Variants in ATRNL1 observed in about 807,000 individuals in gnomAD.
ATRNL1 encodes the protein attractin-like protein 1.
In ATRNL1, 95 loss-of-function variants were observed where a neutral mutation model predicts 182.7. That is an observed-to-expected ratio of 0.52 (90% CI 0.44 to 0.62). The LOEUF (loss-of-function observed/expected upper bound fraction) is 0.62. Among genes scored for constraint, ATRNL1 ranks in the 20% least tolerant of loss-of-function variants. The pLI, the probability that ATRNL1 is intolerant of heterozygous loss-of-function variation, is 0.00. For synonymous variants in ATRNL1, 576 were observed against 568.3 expected, an observed-to-expected ratio of 1.01 and a Z score of -0.19; for missense variants, 1,471 against 1,679.5, an observed-to-expected ratio of 0.88 and a Z score of 2.17.
chr10:115,944,599 C>T (rs2134633102), intron 28 of ATRNL1, 59 bp from the exon 29 acceptor site: 1 of 1,488,032 alleles, frequency 6.7e-7, no homozygotes, highest in South Asian at 1.4e-5. Flanking sequence ...TTCACCACCA[C>T]TGTTGCCATC....
chr10:115,851,943 G>A (rs1348896964), intron 28 of ATRNL1, among the ~76,000 whole-genome samples: 3 of 152,154 alleles, frequency 2.0e-5, no homozygotes, highest in East Asian at 1.9e-4. Flanking sequence ...CAGTCACCCC[G>A]GACAGCATGG....
At chr10:115,843,328 G>A (rs1323948118) in intron 27 of ATRNL1, among the ~76,000 whole-genome samples, 1 of 151,990 alleles carries the variant, frequency 6.6e-6, no homozygotes, top group Non-Finnish European at 1.5e-5. Context: ...ATAAGAAACC[G>A]GACCTGTTCT....
intron 18 of ATRNL1, among the ~76,000 whole-genome samples, chr10:115,318,885 A>G (rs1284871687): frequency 1.3e-5 from 2 of 151,730 alleles, no homozygotes; most frequent in Non-Finnish European, 2.9e-5. Context: ...TCATGTCTCT[A>G]TCTCTTTTAG....
At chr10:115,153,326 G>A (rs919287627) in intron 5 of ATRNL1, among the ~76,000 whole-genome samples, 3 of 152,086 alleles carry the variant, frequency 2.0e-5, no homozygotes, top group African/African-American at 4.8e-5. Flanking sequence ...GGTAGAATTC[G>A]GCTGTGAATG....
chr10:115,301,772 G>GAA, intron 16 of ATRNL1, 83 bp from the exon 17 acceptor site: 1 of 1,241,750 alleles, frequency 8.1e-7, no homozygotes, highest in Non-Finnish European at 1.1e-6. Flanking sequence ...AACATGCCCT[G>GAA]AACAGCAAAG....
At chr10:115,830,444 C>T (rs905397828) in intron 27 of ATRNL1, among the ~76,000 whole-genome samples, 1 of 152,078 alleles carries the variant, frequency 6.6e-6, no homozygotes, top group African/African-American at 2.4e-5. Context: ...GCTCAATAAA[C>T]ATTTATTGAA....
chr10:115,170,618 A>G (rs1282243529), intron 7 of ATRNL1, among the ~76,000 whole-genome samples: 2 of 151,710 alleles, frequency 1.3e-5, no homozygotes, highest in African/African-American at 4.9e-5. Flanking sequence ...TCAGCAACTT[A>G]GTTTGTTATC....
In ATRNL1 at chr10:115,452,742, A is replaced by G. The variant is rs544669437; in HGVS notation, c.3323-9199A>G. On this transcript the variant is annotated intron_variant, in intron 21 of 28. Coordinates refer to ENST00000355044, the MANE Select transcript of ATRNL1 (RefSeq NM_207303.4). ...TGTTAGCAAATTTTAAAAATATACA[A>G]TACAGTATTGTTAACTATAAGTACT... 6.6e-5 allele frequency among the ~76,000 whole-genome samples: 10 copies of G among 152,290 alleles called. No individual in the cohort carries two copies. In the South Asian group the frequency reaches 2.1e-3, roughly 32 times the overall value.
chr10:115,534,280 G>T (rs374396374), intron 25 of ATRNL1, among the ~76,000 whole-genome samples: 1 of 151,378 alleles, frequency 6.6e-6, no homozygotes, highest in African/African-American at 2.4e-5. Context: ...TTATGAATCT[G>T]GGTGCTCCTG....
intron 27 of ATRNL1, among the ~76,000 whole-genome samples, chr10:115,838,908 T>C (rs1950741259): frequency 6.6e-6 from 1 of 152,152 alleles, no homozygotes; most frequent in South Asian, 2.1e-4. Flanking sequence ...CCAGGTAGTT[T>C]CATACATGCT....
intron 28 of ATRNL1, among the ~76,000 whole-genome samples, chr10:115,921,965 A>G (rs2620959): frequency 0.78 from 118,369 of 152,092 alleles, 46,505 homozygotes; most frequent in East Asian, 0.95. Flanking sequence ...AACATTAGTC[A>G]GCTTCCCTGC....
At chr10:115,365,062 T>C (rs1856957248) in intron 19 of ATRNL1, among the ~76,000 whole-genome samples, 1 of 149,420 alleles carries the variant, frequency 6.7e-6, no homozygotes, top group Non-Finnish European at 1.5e-5. Flanking sequence ...ATTCCCTCTT[T>C]TTCTATTGAT....
chr10:115,787,261 CTG>C (rs1379745557), intron 27 of ATRNL1, among the ~76,000 whole-genome samples: 2 of 152,126 alleles, frequency 1.3e-5, no homozygotes, highest in African/African-American at 4.8e-5. Context: ...ATATCTAAGA[CTG>C]TAAATTCATT....
intron 1 of ATRNL1, chr10:115,096,814 T>A (rs1592091394): frequency 1.2e-5 from 14 of 1,166,000 alleles, no homozygotes; most frequent in Non-Finnish European, 1.5e-5. Context: ...GCACTCAGAA[T>A]AACAAGCCAT....
intron 21 of ATRNL1, among the ~76,000 whole-genome samples, chr10:115,457,557 C>G (rs781847222): frequency 7.2e-5 from 11 of 152,066 alleles, no homozygotes; most frequent in Non-Finnish European, 2.9e-5. Context: ...TTTACTTTCC[C>G]TCTTTTTAAT....
rs782726292 is a variant in ATRNL1 at position 115,426,241 on chromosome 10, T to A, written c.3270-9T>A. The stretch of plus-strand genomic sequence containing the variant: ...GTTTAATAGTAAATGAGTTTTTGTG[T>A]TTCTGCAGATGTGACTCTGAAAATC... On this transcript the variant is annotated splice_polypyrimidine_tract_variant and intron_variant, in intron 20 of 28. Coordinates refer to ENST00000355044, the MANE Select transcript of ATRNL1 (RefSeq NM_207303.4). 6.2e-7 allele frequency: 1 copy of A among 1,611,418 alleles called. No homozygotes were observed. The highest frequency in any genetic ancestry group is 8.5e-7 in the Non-Finnish European group (1 of 1,178,280).
At chr10:115,898,065 C>T (rs1169952779) in intron 28 of ATRNL1, among the ~76,000 whole-genome samples, 2 of 151,834 alleles carry the variant, frequency 1.3e-5, no homozygotes, top group Non-Finnish European at 2.9e-5. Flanking sequence ...GTAGCTGGGA[C>T]TATAGGCATG....
At chr10:115,802,416 C>T (rs975088982) in intron 27 of ATRNL1, among the ~76,000 whole-genome samples, 4 of 152,166 alleles carry the variant, frequency 2.6e-5, no homozygotes, top group African/African-American at 9.6e-5. Flanking sequence ...TGCTAACTCT[C>T]AGAAGCATGT....
Position 115,093,919 on chromosome 10 carries a change from G to C in ATRNL1, c.169G>C (p.Val57Leu). Residue 57 changes from valine (V) to leucine (L), a missense_variant, in exon 1 of 29, where the codon GTG becomes CTG. Coordinates refer to ENST00000355044, the MANE Select transcript of ATRNL1 (RefSeq NM_207303.4). This position sits in a 1 kb window ranked among gnomAD's most constrained non-coding sequence, Gnocchi z 6.1. ...CCTCTACCTGGCGCTCTACGCGCAGGTGTCCCAGTCCAAGCCGTGCGAGAG... is the reference window on the plus strand; with the variant it reads ...CCTCTACCTGGCGCTCTACGCGCAGCTGTCCCAGTCCAAGCCGTGCGAGAG... ...GFLYLALYAQVSQSKPCERTG... is the reference protein window; with the variant it reads ...GFLYLALYAQLSQSKPCERTG... The C allele has an allele frequency of 6.3e-7, 1 of 1,596,886 alleles. No homozygotes were observed. Among genetic ancestry groups the C allele is most frequent in the Middle Eastern group, 1.7e-4 (1 of 5,734 alleles).
Sources: gnomAD v4.1 joint callset for allele counts (sites outside exome capture counted in the v4.1 genomes callset) on GRCh38, gnomAD v4.1.1 for gene constraint, Gnocchi (gnomAD v3.1) non-coding constraint, MANE v1.5 for transcripts, NCBI Gene and HGNC (gene_info 2026-07-23, HGNC 2026-07-21) for gene names.